The following WASHC5 variants were observed in gnomAD, a reference collection of about 807,000 sequenced individuals.
The protein encoded by WASHC5 is WASH complex subunit 5, also known as WASH complex subunit strumpellin.
Under a neutral mutation model 150.4 loss-of-function variants are expected in WASHC5, and 101 were observed. The observed-to-expected ratio is 0.67, with a 90% CI of 0.57 to 0.79. WASHC5 has a LOEUF of 0.79. Ranked by LOEUF, WASHC5 falls within the 30% of genes least tolerant of loss-of-function variation. The pLI is 0.00. For missense variants in WASHC5, 1,195 were observed against 1,396.3 expected, an observed-to-expected ratio of 0.86 and a Z score of 2.30; for synonymous variants, 467 against 491.2, an observed-to-expected ratio of 0.95 and a Z score of 0.65.
intron 23 of WASHC5, 51 bp from the exon 24 acceptor site, chr8:125,039,949 T>C: frequency 8.2e-7 from 1 of 1,216,658 alleles, no homozygotes; most frequent in African/African-American, 1.5e-5. Flanking sequence ...CATTTCAGAG[T>C]GACAGTGAGG....
In WASHC5 at chr8:125,039,909, G is replaced by T; in HGVS notation, c.2851-11C>A. ...CTGCATCTGCCCAACCTGTGCACAA[G>T]CAAGAGAAAGAACAGGTAGTGCATT... On this transcript the variant is annotated splice_polypyrimidine_tract_variant and intron_variant, in intron 23 of 28. Coordinates refer to ENST00000318410, the MANE Select transcript of WASHC5 (RefSeq NM_014846.4). 1 of 1,579,660 alleles carries T rather than the reference G, an allele frequency of 6.3e-7. No individual in the cohort carries two copies. The highest frequency in any genetic ancestry group is 1.3e-5 in the African/African-American group (1 of 74,304).
At chr8:125,029,252 T>TG (rs1299748302) in intron 27 of WASHC5, among the ~76,000 whole-genome samples, 1 of 152,138 alleles carries the variant, frequency 6.6e-6, no homozygotes, top group African/African-American at 2.4e-5. Context: ...AGGCTGGTCT[T>TG]GAACTCCTGA....
chr8:125,031,008 G>T (rs1201490280), intron 27 of WASHC5, among the ~76,000 whole-genome samples: 1 of 152,276 alleles, frequency 6.6e-6, no homozygotes, highest in East Asian at 1.9e-4. Context: ...AAAGCTCAGC[G>T]AGTGAAACAT....
At chr8:125,042,368 C>T (rs1815916294) in intron 23 of WASHC5, among the ~76,000 whole-genome samples, 1 of 152,156 alleles carries the variant, frequency 6.6e-6, no homozygotes, top group Non-Finnish European at 1.5e-5. Context: ...CTACACAGGG[C>T]TAGGAGCTGC....
chr8:125,067,769 T>A, intron 9 of WASHC5, 50 bp from the exon 10 acceptor site: 1 of 1,580,332 alleles, frequency 6.3e-7, no homozygotes, highest in Non-Finnish European at 8.7e-7. Flanking sequence ...AGAAAATATC[T>A]ATGAAATAAG....
intron 17 of WASHC5, 21 bp downstream of exon 17, chr8:125,055,570 G>A (rs375378049): frequency 1.2e-5 from 17 of 1,475,652 alleles, no homozygotes; most frequent in African/African-American, 6.9e-5. Flanking sequence ...GCGAGGCCAC[G>A]CAGACTAACA....
At chr8:125,078,212 T>C (rs889566983) in intron 6 of WASHC5, among the ~76,000 whole-genome samples, 2 of 152,172 alleles carry the variant, frequency 1.3e-5, no homozygotes, top group Non-Finnish European at 2.9e-5. Context: ...TGCTGCATGA[T>C]CTTCACAGCC....
At position 125,043,914 on chromosome 8, in the gene WASHC5, T is replaced by G. The variant is rs757021952; in HGVS notation, c.2771-10A>C. On this transcript the variant is annotated splice_polypyrimidine_tract_variant and intron_variant, in intron 22 of 28. Coordinates refer to ENST00000318410, the MANE Select transcript of WASHC5 (RefSeq NM_014846.4). ...ATTTTATTTGAATTTGCTGAAAAGTTAAAACATAATTTTCTCTTTAGTACA... is the reference window on the plus strand; with the variant it reads ...ATTTTATTTGAATTTGCTGAAAAGTGAAAACATAATTTTCTCTTTAGTACA... The G allele has an allele frequency of 1.2e-6, 2 of 1,608,850 alleles. No homozygotes were observed. The highest frequency in any genetic ancestry group is 2.2e-5 in the South Asian group (2 of 90,968).
intron 9 of WASHC5, among the ~76,000 whole-genome samples, chr8:125,072,113 G>C (rs1178936314): frequency 6.6e-6 from 1 of 151,930 alleles, no homozygotes; most frequent in Non-Finnish European, 1.5e-5. Flanking sequence ...GGCCGAGGTG[G>C]GCAGACTGCT....
At chr8:125,050,809 C>T (rs994284398) in intron 17 of WASHC5, 144 bp from the exon 18 acceptor site, 1 of 685,240 alleles carries the variant, frequency 1.5e-6, no homozygotes, top group Admixed American at 2.1e-5. Context: ...CTTTCCTGTC[C>T]CTGTGATCTT....
intron 23 of WASHC5, 110 bp from the exon 24 acceptor site, chr8:125,040,008 A>G: frequency 1.4e-6 from 1 of 734,474 alleles, no homozygotes. Flanking sequence ...ACATCACTCT[A>G]CAGGAAAAAA....
At chr8:125,083,583 A>T in intron 2 of WASHC5, 130 bp downstream of exon 2, 1 of 710,366 alleles carries the variant, frequency 1.4e-6, no homozygotes, top group Non-Finnish European at 2.3e-6. Context: ...AGCTAATATT[A>T]AGTTTAGTCG....
chr8:125,079,796 A>G (rs919198584), intron 5 of WASHC5, among the ~76,000 whole-genome samples: 3 of 152,176 alleles, frequency 2.0e-5, no homozygotes, highest in African/African-American at 7.2e-5. Context: ...ACTCCAAATG[A>G]TTTCAGCTTA....
intron 3 of WASHC5, chr8:125,082,822 C>T (rs1287105844): frequency 2.8e-6 from 1 of 356,786 alleles, no homozygotes; most frequent in Non-Finnish European, 5.0e-6. Context: ...AGTTCTTTTT[C>T]CCACTTTTCA....
At position 125,091,128 on chromosome 8, in the gene WASHC5, C is replaced by CT. The variant is rs201143172; in HGVS notation, c.-125+486dup. 3.5e-3 allele frequency among the ~76,000 whole-genome samples: 522 copies of CT among 147,594 alleles called. 1 individual carries two copies. The highest frequency in any genetic ancestry group is 0.012 in the African/African-American group (481 of 40,270). ...ATCCCAGGAATCAGGGCCCTGGGAA[C>CT]TTTTTTTTTTTCCCCCAAATGCAAA... On this transcript the variant is annotated intron_variant, in intron 1 of 28. Coordinates refer to ENST00000318410, the MANE Select transcript of WASHC5 (RefSeq NM_014846.4).
intron 1 of WASHC5, among the ~76,000 whole-genome samples, chr8:125,090,331 T>C (rs1193319507): frequency 2.0e-5 from 3 of 152,164 alleles, no homozygotes; most frequent in Non-Finnish European, 4.4e-5. Flanking sequence ...AAGAGGTAGG[T>C]GGATGGCTTT....
chr8:125,028,904 T>C (rs1454513497), intron 27 of WASHC5, among the ~76,000 whole-genome samples, 197 bp from the exon 28 acceptor site: 1 of 152,222 alleles, frequency 6.6e-6, no homozygotes, highest in African/African-American at 2.4e-5. Context: ...ATAGGGTAAA[T>C]GTGAGCTTCT....
chr8:125,047,591 C>T (rs1309844144), intron 19 of WASHC5, among the ~76,000 whole-genome samples: 1 of 152,082 alleles, frequency 6.6e-6, no homozygotes, highest in African/African-American at 2.4e-5. Flanking sequence ...GCACCCGCCA[C>T]CATGCCCGGC....
intron 23 of WASHC5, among the ~76,000 whole-genome samples, chr8:125,042,524 C>T (rs1815922983): frequency 1.3e-5 from 2 of 152,168 alleles, no homozygotes; most frequent in South Asian, 2.1e-4. Flanking sequence ...CGGTCACAGT[C>T]ACGTGGCTGT....
Sources: gnomAD v4.1 joint callset for allele counts (sites outside exome capture counted in the v4.1 genomes callset) on GRCh38, gnomAD v4.1.1 for gene constraint, MANE v1.5 for transcripts, NCBI Gene and HGNC (gene_info 2026-07-23, HGNC 2026-07-21) for gene names.